Variants in ABCC5 observed in about 807,000 individuals in gnomAD.
ABCC5 encodes ATP binding cassette subfamily C member 5.
Under a neutral mutation model 160.9 loss-of-function variants are expected in ABCC5, and 61 were observed. That is an observed-to-expected ratio of 0.38 (90% CI 0.31 to 0.47). ABCC5 has a LOEUF of 0.47. Among genes scored for constraint, ABCC5 ranks in the 20% least tolerant of loss-of-function variants. The probability of loss-of-function intolerance (pLI) is 0.99; values close to 1 mark genes in which losing one functional copy is unlikely to be tolerated. For missense variants in ABCC5, 1,308 were observed against 1,813.3 expected, an observed-to-expected ratio of 0.72 and a Z score of 5.06; for synonymous variants, 666 against 700.6, an observed-to-expected ratio of 0.95 and a Z score of 0.78.
At chr3:183,983,051 T>C (rs1484661346) in intron 5 of ABCC5, 44 bp from the exon 6 acceptor site, 1 of 1,489,256 alleles carries the variant, frequency 6.7e-7, no homozygotes, top group Admixed American at 1.7e-5. Context: ...TCCACGGCAC[T>C]CACACACAAT....
Position 183,983,001 on chromosome 3 carries a change from T to C in ABCC5, c.598A>G (p.Met200Val). Residue 200 changes from methionine to valine, a missense_variant, in exon 6 of 30, where the codon ATG (methionine) becomes GTG (valine). Physicochemically the swap from Met to Val is conservative, Grantham distance 21. Around this residue, in one of 3 missense-constraint regions of ABCC5, gnomAD observed 1,142 missense variants for 1,527.1 expected, o/e 0.75. Coordinates refer to ENST00000334444, the MANE Select transcript of ABCC5 (RefSeq NM_005688.4). Reference protein sequence around the residue: ...QLAGFSGPAFMVKHLLEYTQA... With the variant: ...QLAGFSGPAFVVKHLLEYTQA... ...GTATACTCCAAGAGGTGTTTCACCA[T>C]GAAGGCCTACAGGGAGAGACACACA... is the stretch of plus-strand genomic sequence containing the variant. 1 of 1,613,918 alleles carries C rather than the reference T, an allele frequency of 6.2e-7. No homozygotes were observed.
intron 10 of ABCC5, among the ~76,000 whole-genome samples, chr3:183,975,516 G>C (rs984674327): frequency 6.6e-6 from 1 of 151,586 alleles, no homozygotes; most frequent in Non-Finnish European, 1.5e-5. Context: ...TAATTTTTTG[G>C]ATTTTTAGTA....
chr3:183,990,428 T>C (rs907158425), intron 2 of ABCC5, among the ~76,000 whole-genome samples: 2 of 152,230 alleles, frequency 1.3e-5, no homozygotes, highest in African/African-American at 4.8e-5. Context: ...TTGTGTTCTA[T>C]GTTCTAAAAT....
At chr3:184,013,317 G>A (rs563413619) in intron 2 of ABCC5, among the ~76,000 whole-genome samples, 10 of 151,800 alleles carry the variant, frequency 6.6e-5, no homozygotes, top group Non-Finnish European at 1.5e-4. Context: ...GTGCAGTGGC[G>A]TGATCTTGGC....
chr3:183,972,945 TG>T (rs1263396789), intron 10 of ABCC5, among the ~76,000 whole-genome samples: 1 of 151,760 alleles, frequency 6.6e-6, no homozygotes, highest in African/African-American at 2.4e-5. Context: ...CGCACCCAGC[TG>T]AAGAATGAAC....
At chr3:183,962,727 T>C (rs1481400988) in intron 15 of ABCC5, among the ~76,000 whole-genome samples, 1 of 152,040 alleles carries the variant, frequency 6.6e-6, no homozygotes, top group East Asian at 1.9e-4. Context: ...AGATGGGGTT[T>C]CACCAGTTGG....
At chr3:184,000,861 C>G (rs1384870539) in intron 2 of ABCC5, 1 of 197,668 alleles carries the variant, frequency 5.1e-6, no homozygotes, top group Non-Finnish European at 1.0e-5. Flanking sequence ...TACAGTAGAT[C>G]AACACTCTAG....
At chr3:183,977,955 G>A (rs1194299860) in intron 9 of ABCC5, among the ~76,000 whole-genome samples, 1 of 152,080 alleles carries the variant, frequency 6.6e-6, no homozygotes, top group Non-Finnish European at 1.5e-5. Context: ...GTTTCACCAT[G>A]TTGGCCAGGC....
At chr3:183,996,756 T>C (rs1474814658) in intron 2 of ABCC5, among the ~76,000 whole-genome samples, 1 of 152,196 alleles carries the variant, frequency 6.6e-6, no homozygotes, top group Non-Finnish European at 1.5e-5. Context: ...TAACAAAGCA[T>C]GGAGTAGAAA....
rs750522507 is a variant in ABCC5, at chr3:183,951,916, C to G, written c.2755G>C (p.Ala919Pro). 6.2e-7 allele frequency: 1 copy of G among 1,614,078 alleles called. No individual in the cohort carries two copies. The highest frequency in any genetic ancestry group is 1.7e-5 in the Admixed American group (1 of 60,024). ...ATCAGCATGACTGCCATGGAGAGGG[C>G]GTAGATGCTGGCATAGTACTGCATA... ...PHMQYYASIY[A>P]LSMAVMLILK... The change falls in exon 19 of 30, where the codon GCC becomes CCC. Residue 919 changes from alanine (A) to proline (P), a missense_variant. Transcript: ENST00000334444. This position sits in a 1 kb window ranked among gnomAD's most constrained non-coding sequence, Gnocchi z 4.7.
Position 184,014,304 on chromosome 3 carries a change from T to C in ABCC5, c.89A>G (p.His30Arg), listed in dbSNP as rs1722011290. 2 of 1,614,138 alleles carry C rather than the reference T, an allele frequency of 1.2e-6. No individual in the cohort carries two copies. ...VRERTSTSGT[H>R]RDREDSKFRR... ...GAACTTGGAATCTTCACGGTCTCTG[T>C]GCGTCCCAGAAGTGCTGGTTCTCTC... Residue 30 changes from histidine (H) to arginine (R), a missense_variant, in exon 2 of 30, where the codon CAC (histidine) becomes CGC (arginine). This residue lies in a region of ABCC5 where 1,142 missense variants were observed against 1,527.1 expected (regional missense o/e 0.75). Coordinates refer to ENST00000334444, the MANE Select transcript of ABCC5 (RefSeq NM_005688.4).
chr3:183,971,941 G>A (rs369413031), intron 10 of ABCC5, 22 bp from the exon 11 acceptor site: 1 of 1,612,730 alleles, frequency 6.2e-7, no homozygotes, highest in Non-Finnish European at 8.5e-7. Flanking sequence ...TGTGAGAGAG[G>A]TGCAAAGATG....
At chr3:183,970,021 G>A (rs1717589298) in intron 11 of ABCC5, among the ~76,000 whole-genome samples, 1 of 152,192 alleles carries the variant, frequency 6.6e-6, no homozygotes, top group Non-Finnish European at 1.5e-5. Flanking sequence ...ACAGAGCCTT[G>A]ACTGTTCTCC....
At chr3:183,955,212 C>G (rs780719106) in intron 17 of ABCC5, among the ~76,000 whole-genome samples, 2 of 152,216 alleles carry the variant, frequency 1.3e-5, no homozygotes, top group Non-Finnish European at 2.9e-5. Flanking sequence ...CTTCAACAGA[C>G]AGCTTTGCAG....
chr3:183,999,102 GAAA>G (rs10576500), intron 2 of ABCC5, among the ~76,000 whole-genome samples: 1 of 144,428 alleles, frequency 6.9e-6, no homozygotes, highest in South Asian at 2.2e-4. Context: ...AAAAAAAAAA[GAAA>G]AAAAAAAAGA....
chr3:183,958,344 G>A (rs1334336749), intron 17 of ABCC5, among the ~76,000 whole-genome samples: 1 of 152,174 alleles, frequency 6.6e-6, no homozygotes, highest in Non-Finnish European at 1.5e-5. Context: ...ACAAATCTCA[G>A]AATAAGCCTC....
intron 26 of ABCC5, among the ~76,000 whole-genome samples, chr3:183,936,440 A>G (rs887731782): frequency 3.3e-5 from 5 of 152,160 alleles, no homozygotes; most frequent in Non-Finnish European, 5.9e-5. Flanking sequence ...AAGTCTGAAC[A>G]CTGCCTATGA....
At chr3:183,960,514 C>A (rs1242806865) in intron 16 of ABCC5, among the ~76,000 whole-genome samples, 1 of 152,158 alleles carries the variant, frequency 6.6e-6, no homozygotes, top group Non-Finnish European at 1.5e-5. Context: ...CCCTCCCATT[C>A]GCCCTTAGAA....
intron 2 of ABCC5, chr3:184,006,447 C>G (rs1305570520): frequency 6.6e-6 from 1 of 152,190 alleles, no homozygotes; most frequent in African/African-American, 2.4e-5. Flanking sequence ...TTCCTAACAG[C>G]AAGCCGACTC....
Sources: allele counts gnomAD v4.1 joint callset (sites outside exome capture counted in the v4.1 genomes callset), GRCh38; gene constraint gnomAD v4.1.1; regional missense constraint gnomAD v4.1.1; non-coding constraint Gnocchi (gnomAD v3.1); transcripts MANE v1.5; gene names NCBI Gene and HGNC (gene_info 2026-07-23, HGNC 2026-07-21).